The following CCDC178 variants were observed in gnomAD, a reference collection of about 807,000 sequenced individuals.
The protein encoded by CCDC178 is coiled-coil domain-containing protein 178.
A neutral mutation model predicts 117.4 loss-of-function variants in CCDC178; 126 were observed. The observed-to-expected ratio is 1.07, with a 90% CI of 0.93 to 1.24. CCDC178 has a LOEUF of 1.24. Ranked by LOEUF, CCDC178 falls within the 50% of genes most tolerant of loss-of-function variation. The probability of loss-of-function intolerance (pLI) is 0.00; values close to 1 mark genes in which losing one functional copy is unlikely to be tolerated. For synonymous variants in CCDC178, 283 were observed against 313.4 expected (o/e 0.90, Z 1.02); for missense variants, 1,030 against 986.9 (o/e 1.04, Z -0.59).
chr18:33,193,076 G>A (rs1280421451), intron 20 of CCDC178, among the ~76,000 whole-genome samples: 5 of 150,118 alleles, frequency 3.3e-5, no homozygotes, highest in Non-Finnish European at 7.4e-5. Context: ...TGGCTTACAC[G>A]GTGAAACCCC....
At chr18:33,036,914 G>T (rs890761264) in intron 21 of CCDC178, among the ~76,000 whole-genome samples, 6 of 151,892 alleles carry the variant, frequency 4.0e-5, no homozygotes, top group African/African-American at 7.2e-5. Context: ...AGAGACAATA[G>T]ATTCAAAACT....
At chr18:33,221,121 G>A (rs1160663705) in intron 18 of CCDC178, among the ~76,000 whole-genome samples, 3 of 151,810 alleles carry the variant, frequency 2.0e-5, no homozygotes, top group Admixed American at 6.6e-5. Flanking sequence ...CCACAGCCTC[G>A]CGCACTCTCA....
At chr18:33,173,161 C>G (rs926004363) in intron 20 of CCDC178, among the ~76,000 whole-genome samples, 31 of 152,194 alleles carry the variant, frequency 2.0e-4, no homozygotes, top group Middle Eastern at 3.4e-3. Flanking sequence ...GTAATCCTCC[C>G]ACCTCAGCCT....
chr18:32,988,306 T>C lies in CCDC178; in HGVS notation c.2389-13625A>G, dbSNP rs114262153. Among the ~76,000 whole-genome samples the C allele has an allele frequency of 9.5e-3, 1,401 of 148,162 alleles. 22 individuals carry two copies. Among genetic ancestry groups the C allele is most frequent in the African/African-American group, 0.033 (1,345 of 40,198 alleles). ...CAAAAATTATTCGGGCGTGGTCGCG[T>C]ATGCCTGTGGTCCCAGATACTCGGG... is the stretch of plus-strand genomic sequence containing the variant. On this transcript the variant is annotated intron_variant, in intron 21 of 22. Coordinates refer to ENST00000383096, the MANE Select transcript of CCDC178 (RefSeq NM_001105528.4).
chr18:33,311,816 A>G (rs2062346507), intron 11 of CCDC178, among the ~76,000 whole-genome samples: 1 of 152,130 alleles, frequency 6.6e-6, no homozygotes, highest in African/African-American at 2.4e-5. Context: ...AAGACTGTTG[A>G]TTTCTTGGTT....
At chr18:33,380,343 T>A (rs1303250279) in intron 5 of CCDC178, among the ~76,000 whole-genome samples, 1 of 152,194 alleles carries the variant, frequency 6.6e-6, no homozygotes, top group East Asian at 1.9e-4. Context: ...TACTCTAATT[T>A]CTGGTCTGAG....
chr18:33,092,771 T>A lies in CCDC178; in HGVS notation c.2378A>T (p.Asp793Val), dbSNP rs747814510. Residue 793 changes from aspartate (D) to valine (V), a missense_variant, in exon 21 of 23, where the codon GAT (aspartate) becomes GTT (valine). Physicochemically the swap from Asp to Val is radical, Grantham distance 152. Transcript: ENST00000383096. ...TAGAAAAACCAATACCTGTTTCTTA[T>A]CTCTAATTGAAGTATCAAGTGATAG... ...KQLSLDTSIR[D>V]KKQLCQLQRR... 1 of 1,527,736 alleles carries A rather than the reference T, an allele frequency of 6.5e-7. No individual in the cohort carries two copies. The highest frequency in any genetic ancestry group is 8.9e-7 in the Non-Finnish European group (1 of 1,118,310). The allele number at this position is 1,527,736 out of a possible 1,614,324, so 94.6% of individuals were successfully genotyped here.
intron 1 of CCDC178, 58 bp downstream of exon 1, chr18:33,440,595 C>CAGCGCCCCGCGCCGAGGCACA (rs2064372450): frequency 6.6e-6 from 1 of 151,906 alleles, no homozygotes. Flanking sequence ...CGCCGCCCGG[C>CAGCGCCCCGCGCCGAGGCACA]AGCGCCCCGC....
chr18:33,159,794 C>T (rs967806205), intron 20 of CCDC178, among the ~76,000 whole-genome samples: 1 of 152,032 alleles, frequency 6.6e-6, no homozygotes, highest in African/African-American at 2.4e-5. Context: ...AATTTTAAGA[C>T]ATATGTTTGT....
chr18:33,099,983 C>T (rs2145097320), intron 20 of CCDC178, among the ~76,000 whole-genome samples: 1 of 152,114 alleles, frequency 6.6e-6, no homozygotes, highest in African/African-American at 2.4e-5. Context: ...TCATGTTTAA[C>T]AAAATGCTCT....
intron 14 of CCDC178, 95 bp from the exon 15 acceptor site, chr18:33,245,523 G>T: frequency 8.3e-7 from 1 of 1,197,920 alleles, no homozygotes; most frequent in Non-Finnish European, 1.1e-6. Context: ...ATTTTATGTT[G>T]TCAAAAATAC....
At chr18:33,118,590 T>A (rs962057438) in intron 20 of CCDC178, among the ~76,000 whole-genome samples, 44 of 152,114 alleles carry the variant, frequency 2.9e-4, no homozygotes, top group African/African-American at 1.0e-3. Flanking sequence ...ATAGGAAGAA[T>A]CAATATTGTG....
chr18:33,073,922 A>C (rs553067199), intron 21 of CCDC178, among the ~76,000 whole-genome samples: 13 of 152,220 alleles, frequency 8.5e-5, no homozygotes, highest in African/African-American at 2.6e-4. Context: ...TAGTGATTAA[A>C]TGGTTAAGAA....
At chr18:33,391,428 C>G (rs1191397359) in intron 4 of CCDC178, among the ~76,000 whole-genome samples, 1 of 151,916 alleles carries the variant, frequency 6.6e-6, no homozygotes, top group African/African-American at 2.4e-5. Flanking sequence ...AAATGACATA[C>G]AGGATGTGAT....
At chr18:33,034,500 T>A (rs1023854702) in intron 21 of CCDC178, among the ~76,000 whole-genome samples, 1 of 152,062 alleles carries the variant, frequency 6.6e-6, no homozygotes, top group Admixed American at 6.6e-5. Context: ...ATATTTTTCC[T>A]GTTTGACCTT....
At chr18:33,043,236 C>A (rs1473355787) in intron 21 of CCDC178, among the ~76,000 whole-genome samples, 5 of 151,934 alleles carry the variant, frequency 3.3e-5, no homozygotes, top group Non-Finnish European at 5.9e-5. Flanking sequence ...TCTTCTATTT[C>A]AGTAAAAAAA....
At chr18:33,148,027 C>T (rs1384892987) in intron 20 of CCDC178, among the ~76,000 whole-genome samples, 1 of 152,046 alleles carries the variant, frequency 6.6e-6, no homozygotes, top group African/African-American at 2.4e-5. Context: ...GGGCGGCTGG[C>T]CGGGCAGAGG....
intron 21 of CCDC178, among the ~76,000 whole-genome samples, chr18:33,043,294 T>C (rs796706837): frequency 3.9e-5 from 6 of 152,214 alleles, no homozygotes; most frequent in African/African-American, 1.4e-4. Context: ...ATTGACATTA[T>C]ACAGAGACTA....
chr18:33,386,622 T>G (rs1214549813), intron 5 of CCDC178, among the ~76,000 whole-genome samples: 1 of 152,110 alleles, frequency 6.6e-6, no homozygotes, highest in South Asian at 2.1e-4. Context: ...AAAAACCACA[T>G]GATTATCTCA....
Sources: allele counts gnomAD v4.1 joint callset (sites outside exome capture counted in the v4.1 genomes callset), GRCh38; gene constraint gnomAD v4.1.1; transcripts MANE v1.5; gene names NCBI Gene and HGNC (gene_info 2026-07-23, HGNC 2026-07-21).